SMARCAD1: variants seen among roughly 807,000 people sequenced by gnomAD.
SMARCAD1 encodes the protein SNF2 related chromatin remodeling ATPase with DExD box 1, also known as SWI/SNF-related matrix-associated actin-dependent regulator of chromatin subfamily A containing DEAD/H box 1.
In SMARCAD1, 25 loss-of-function variants were observed where a neutral mutation model predicts 127.1. The observed-to-expected ratio is 0.20, with a 90% confidence interval of 0.14 to 0.27. The LOEUF is 0.27. Ranked by LOEUF, SMARCAD1 falls within the 10% of genes least tolerant of loss-of-function variation. The pLI is 1.00. For missense variants in SMARCAD1, 807 were observed against 1,206.0 expected, an observed-to-expected ratio of 0.67 and a Z score of 4.90; for synonymous variants, 400 against 396.9, an observed-to-expected ratio of 1.01 and a Z score of -0.09.
intron 7 of SMARCAD1, 106 bp downstream of exon 7, chr4:94,249,861 C>A: frequency 2.8e-6 from 2 of 702,172 alleles, no homozygotes; most frequent in East Asian, 2.6e-5. Flanking sequence ...GTTTTGTATT[C>A]TTCTAATTAA....
intron 6 of SMARCAD1, among the ~76,000 whole-genome samples, chr4:94,242,016 C>T (rs1175989089): frequency 6.6e-6 from 1 of 151,992 alleles, no homozygotes; most frequent in African/African-American, 2.4e-5. Context: ...ATTCTATTCT[C>T]AGGATAACTT....
intron 2 of SMARCAD1, among the ~76,000 whole-genome samples, chr4:94,219,094 G>A (rs1041810861): frequency 7.9e-5 from 12 of 152,212 alleles, no homozygotes; most frequent in African/African-American, 2.7e-4. Flanking sequence ...TTACAGGTGT[G>A]AGCCACTGTG....
chr4:94,257,423 T>C (rs1357355470), intron 9 of SMARCAD1, among the ~76,000 whole-genome samples: 2 of 152,178 alleles, frequency 1.3e-5, no homozygotes, highest in Non-Finnish European at 2.9e-5. Context: ...GATTTACTAA[T>C]AGATCCCACA....
chr4:94,232,965 G>A (rs539154838), intron 3 of SMARCAD1, among the ~76,000 whole-genome samples: 31 of 152,272 alleles, frequency 2.0e-4, no homozygotes, highest in Middle Eastern at 3.4e-3. Flanking sequence ...GGGTGACAGA[G>A]TGGAACCCCG....
At chr4:94,245,962 C>G (rs887280350) in intron 6 of SMARCAD1, among the ~76,000 whole-genome samples, 1 of 152,092 alleles carries the variant, frequency 6.6e-6, no homozygotes, top group Non-Finnish European at 1.5e-5. Flanking sequence ...TGGGGCTTGC[C>G]AAAGACTTCA....
intron 5 of SMARCAD1, among the ~76,000 whole-genome samples, chr4:94,238,206 C>G (rs1747003485): frequency 6.6e-6 from 1 of 151,866 alleles, no homozygotes; most frequent in Non-Finnish European, 1.5e-5. Flanking sequence ...CTTTAATTTC[C>G]TCCAGTTTGA....
In SMARCAD1 at chr4:94,264,756, A is replaced by G; in HGVS notation, c.1331A>G (p.His444Arg). 1 of 1,612,330 alleles carries G rather than the reference A, an allele frequency of 6.2e-7. No homozygotes were observed. Among genetic ancestry groups the G allele is most frequent in the South Asian group, 1.1e-5 (1 of 90,794 alleles). ...GGCTTATCAGAAGATTTGATATGGC[A>G]CTGTAAAACACTGATCCAAGAAAGA... ...TNGLSEDLIW[H>R]CKTLIQERDV... Residue 444 changes from histidine to arginine, a missense_variant, in exon 10 of 24, where the codon CAC becomes CGC. This residue lies in a region of SMARCAD1 where 257 missense variants were observed against 303.4 expected (regional missense o/e 0.85). Coordinates refer to ENST00000354268, the MANE Select transcript of SMARCAD1 (RefSeq NM_020159.5).
At chr4:94,242,507 G>A (rs1747749120) in intron 6 of SMARCAD1, among the ~76,000 whole-genome samples, 1 of 152,116 alleles carries the variant, frequency 6.6e-6, no homozygotes, top group South Asian at 2.1e-4. Flanking sequence ...GCAACAAGAT[G>A]TACTGCCCAA....
At chr4:94,219,412 C>T (rs193207788) in intron 2 of SMARCAD1, among the ~76,000 whole-genome samples, 1 of 152,030 alleles carries the variant, frequency 6.6e-6, no homozygotes, top group Non-Finnish European at 1.5e-5. Context: ...CCTTAATCTC[C>T]TACTAGTGAT....
intron 2 of SMARCAD1, among the ~76,000 whole-genome samples, chr4:94,217,618 C>T (rs1743403704): frequency 6.6e-6 from 1 of 152,024 alleles, no homozygotes; most frequent in South Asian, 2.1e-4. Context: ...AGTATTTCTT[C>T]TTTGGGGGAA....
At chr4:94,215,975 C>T (rs772867116) in intron 2 of SMARCAD1, among the ~76,000 whole-genome samples, 6 of 152,106 alleles carry the variant, frequency 3.9e-5, no homozygotes, top group Admixed American at 3.9e-4. Context: ...GTTAGAACTG[C>T]TGTAACTACC....
chr4:94,247,853 A>G (rs1262311762), intron 6 of SMARCAD1, among the ~76,000 whole-genome samples: 1 of 151,958 alleles, frequency 6.6e-6, no homozygotes. Context: ...TCTTTTTTCA[A>G]CTTTATGTTA....
chr4:94,282,979 T>C (rs772207960), intron 21 of SMARCAD1, 142 bp from the exon 22 acceptor site: 16 of 682,762 alleles, frequency 2.3e-5, no homozygotes, highest in Admixed American at 7.8e-5. Context: ...TTCAGTGATA[T>C]AGCCAGAGGA....
chr4:94,251,179 TTACTG>T (rs1309486763), intron 8 of SMARCAD1, among the ~76,000 whole-genome samples: 2 of 152,210 alleles, frequency 1.3e-5, no homozygotes, highest in Non-Finnish European at 2.9e-5. Context: ...TATCATGTCA[TTACTG>T]TAATGTAGAT....
At chr4:94,231,688 A>G (rs1270947667) in intron 3 of SMARCAD1, among the ~76,000 whole-genome samples, 1 of 152,034 alleles carries the variant, frequency 6.6e-6, no homozygotes, top group Non-Finnish European at 1.5e-5. Context: ...ATATCATTTA[A>G]CTTGTACCTT....
At chr4:94,239,760 A>G (rs1747302096) in intron 5 of SMARCAD1, among the ~76,000 whole-genome samples, 2 of 151,890 alleles carry the variant, frequency 1.3e-5, no homozygotes, top group African/African-American at 2.4e-5. Flanking sequence ...TTGAGTAGAG[A>G]TGGGGTTTCA....
At chr4:94,208,664 T>C (rs1741660635) in intron 2 of SMARCAD1, 80 bp downstream of exon 2, 2 of 1,318,088 alleles carry the variant, frequency 1.5e-6, no homozygotes, top group Non-Finnish European at 1.1e-6. Context: ...CTCATTTTTA[T>C]TCTTGATGTC....
chr4:94,251,347 A>G (rs1749244428), intron 8 of SMARCAD1, among the ~76,000 whole-genome samples: 1 of 152,210 alleles, frequency 6.6e-6, no homozygotes, highest in African/African-American at 2.4e-5. Context: ...CATGTTTAGT[A>G]ACATACCTAA....
rs186372645 is a variant in SMARCAD1, at chr4:94,208,205, T to G, written c.-50+135T>G. 6 of 724,184 alleles carry G rather than the reference T, an allele frequency of 8.3e-6. No homozygotes were observed. The East Asian group carries it at 1.3e-4, about 16-fold the overall frequency. The allele number at this position is 724,184 out of a possible 1,614,324, so 44.9% of individuals were successfully genotyped here. A position where few individuals can be genotyped will look rare whatever the true frequency, so the allele number is the denominator to read the frequency against. ...CGTCCACCTTCTAATTGTTGCGGCC[T>G]AACAATGAAGCGCAGCCATAACAGT... On this transcript the variant is annotated intron_variant, in intron 1 of 23. Transcript: ENST00000354268.
Sources: gnomAD v4.1 joint callset for allele counts (sites outside exome capture counted in the v4.1 genomes callset) on GRCh38, gnomAD v4.1.1 for gene constraint, gnomAD v4.1.1 regional missense constraint, MANE v1.5 for transcripts, NCBI Gene and HGNC (gene_info 2026-07-23, HGNC 2026-07-21) for gene names.